WASF2: variants seen among roughly 807,000 people sequenced by gnomAD.
WASF2 encodes the protein WASP family member 2, also known as actin-binding protein WASF2.
WASF2 carries 14 observed loss-of-function variants against 45.0 expected under a neutral mutation model. That is an observed-to-expected ratio of 0.31 (90% CI 0.21 to 0.49). The LOEUF (loss-of-function observed/expected upper bound fraction) is 0.49. Among genes scored for constraint, WASF2 ranks in the 20% least tolerant of loss-of-function variants. The pLI is 0.99. For missense variants in WASF2, 439 were observed against 636.1 expected (o/e 0.69, Z 3.33); for synonymous variants, 200 against 236.3 (o/e 0.85, Z 1.41).
At chr1:27,486,304 A>T (rs1260751806) in intron 1 of WASF2, among the ~76,000 whole-genome samples, 1 of 152,210 alleles carries the variant, frequency 6.6e-6, no homozygotes, top group African/African-American at 2.4e-5. Flanking sequence ...AAAAATTTTT[A>T]AATTCAGATA....
rs915578375 is a variant in WASF2 at position 27,477,674 on chromosome 1, C to T, written c.-44+12312G>A. ...CAGCACTTTGGGAGGCCGAGGCGGG[C>T]GGATCACGAGGTCAGGAGATCGAGA... On this transcript the variant is annotated intron_variant, in intron 1 of 8. Coordinates refer to ENST00000618852, the MANE Select transcript of WASF2 (RefSeq NM_006990.5). Among the ~76,000 whole-genome samples, 22 of 104,448 alleles carry T rather than the reference C, an allele frequency of 2.1e-4. 3 individuals are homozygous for T. Among genetic ancestry groups the T allele is most frequent in the South Asian group, 7.7e-4 (2 of 2,608 alleles). 68.5% of individuals were successfully genotyped at this position (104,448 alleles called of 152,430 possible).
At position 27,404,468 on chromosome 1, in the gene WASF2, G is replaced by C. The variant is rs1479466466; in HGVS notation, c.*3721C>G. 6.6e-6 allele frequency: 1 copy of C among 152,134 alleles called. No homozygotes were observed. Among genetic ancestry groups the C allele is most frequent in the Non-Finnish European group, 1.5e-5 (1 of 68,036 alleles). 9.4% of individuals were successfully genotyped at this position (152,134 alleles called of 1,614,324 possible). On this transcript the variant is annotated 3_prime_UTR_variant, in exon 9 of 9. Transcript: ENST00000618852. ...GAGGAAAGGGTCACTTTAGGGGTCT[G>C]GCTTAACCCACTGCCTAGATCTCCA...
At chr1:27,423,548 A>G (rs1366815914) in intron 2 of WASF2, among the ~76,000 whole-genome samples, 1 of 152,236 alleles carries the variant, frequency 6.6e-6, no homozygotes, top group Non-Finnish European at 1.5e-5. Flanking sequence ...ATTTGATAGT[A>G]TCTATTCTTC....
At chr1:27,447,702 A>G (rs1330951022) in intron 1 of WASF2, among the ~76,000 whole-genome samples, 1 of 152,220 alleles carries the variant, frequency 6.6e-6, no homozygotes, top group Admixed American at 6.5e-5. Context: ...ATACCTGATG[A>G]TGATCACAGT....
intron 2 of WASF2, among the ~76,000 whole-genome samples, chr1:27,419,682 C>T (rs970450762): frequency 5.3e-5 from 8 of 152,280 alleles, no homozygotes; most frequent in East Asian, 3.9e-4. Flanking sequence ...CCTTATAAAA[C>T]GGTTCTGAAA....
rs1196063645 is a variant in WASF2 at position 27,414,167 on chromosome 1, A to AGGTC, written c.668+662_668+665dup. On this transcript the variant is annotated intron_variant, in intron 6 of 8. Transcript: ENST00000618852. This position sits in a 1 kb window ranked among gnomAD's most constrained non-coding sequence, Gnocchi z 4.1. ...GGTGACTTGGCTTTGAATGTCAACCAGGTCAGACACCAGGATAAGCATCAA... is the reference window on the plus strand; with the variant it reads ...GGTGACTTGGCTTTGAATGTCAACCAGGTCGGTCAGACACCAGGATAAGCATCAA... 6.6e-6 allele frequency among the ~76,000 whole-genome samples: 1 copy of AGGTC among 152,224 alleles called. No homozygotes were observed. The highest frequency in any genetic ancestry group is 1.5e-5 in the Non-Finnish European group (1 of 68,026).
rs180876573 is a variant in WASF2 at position 27,443,728 on chromosome 1, G to A, written c.-43-14795C>T. On this transcript the variant is annotated intron_variant, in intron 1 of 8. Transcript: ENST00000618852. ...TGACCTTAGGGTAGTTAATCTCTCT[G>A]AGCCTCATCCATAAAATAGGGAAAA... 2.3e-3 allele frequency among the ~76,000 whole-genome samples: 354 copies of A among 152,250 alleles called. 1 individual carries two copies. The highest frequency in any genetic ancestry group is 3.4e-3 in the Middle Eastern group (1 of 294).
intron 1 of WASF2, among the ~76,000 whole-genome samples, chr1:27,448,926 A>G (rs1248451273): frequency 1.3e-5 from 2 of 151,368 alleles, no homozygotes; most frequent in Non-Finnish European, 2.9e-5. Context: ...TCATACACAT[A>G]TACCTTTCTT....
At chr1:27,432,895 C>G (rs2017085647) in intron 1 of WASF2, among the ~76,000 whole-genome samples, 1 of 152,038 alleles carries the variant, frequency 6.6e-6, no homozygotes, top group South Asian at 2.1e-4. Flanking sequence ...TCACAAGTAG[C>G]CAGGACTACA....
intron 1 of WASF2, among the ~76,000 whole-genome samples, chr1:27,436,462 G>A (rs546088262): frequency 2.6e-5 from 4 of 151,894 alleles, no homozygotes; most frequent in African/African-American, 9.7e-5. Flanking sequence ...GTCTCAAAAA[G>A]AAAGAAACAA....
At chr1:27,415,678 T>G (rs866270140) in intron 5 of WASF2, among the ~76,000 whole-genome samples, 21 of 152,172 alleles carry the variant, frequency 1.4e-4, no homozygotes, top group South Asian at 1.0e-3. Context: ...TAGCCTAGCT[T>G]GAGTGTCCAG....
At chr1:27,485,268 C>G (rs1360891589) in intron 1 of WASF2, among the ~76,000 whole-genome samples, 1 of 151,668 alleles carries the variant, frequency 6.6e-6, no homozygotes, top group Non-Finnish European at 1.5e-5. Context: ...TGAGCAAAGA[C>G]CCTACAAATT....
chr1:27,418,154 G>T, intron 4 of WASF2, 115 bp downstream of exon 4: 1 of 1,208,904 alleles, frequency 8.3e-7, no homozygotes, highest in Non-Finnish European at 1.1e-6. Context: ...CAACTTTGGG[G>T]TAGGCAGTAA....
intron 1 of WASF2, among the ~76,000 whole-genome samples, chr1:27,442,930 G>A (rs2148120352): frequency 6.9e-6 from 1 of 145,338 alleles, no homozygotes; most frequent in South Asian, 2.2e-4. Context: ...GGCAGAGGTT[G>A]CAGTGAGCCA....
intron 1 of WASF2, among the ~76,000 whole-genome samples, chr1:27,486,215 T>A (rs959956187): frequency 1.3e-5 from 2 of 152,168 alleles, no homozygotes; most frequent in African/African-American, 4.8e-5. Flanking sequence ...TACATCTGAT[T>A]TAAAAAGTGC....
At chr1:27,448,890 C>T (rs575740170) in intron 1 of WASF2, among the ~76,000 whole-genome samples, 1 of 151,634 alleles carries the variant, frequency 6.6e-6, no homozygotes, top group Admixed American at 6.6e-5. Flanking sequence ...CTTTATATGC[C>T]TTCGGTTTCA....
intron 1 of WASF2, among the ~76,000 whole-genome samples, chr1:27,432,301 G>C (rs532647873): frequency 6.6e-6 from 1 of 151,922 alleles, no homozygotes; most frequent in Non-Finnish European, 1.5e-5. Context: ...AATTTTCCTA[G>C]AGACATTAAA....
In WASF2 at chr1:27,409,993, C is replaced by T. The variant is rs149051394; in HGVS notation, c.1038G>A (p.Thr346=). 5.6e-6 allele frequency: 9 copies of T among 1,612,928 alleles called. No individual in the cohort carries two copies. Among genetic ancestry groups the T allele is most frequent in the Admixed American group, 1.7e-5 (1 of 59,912 alleles). Residue 346 remains threonine (T), a synonymous_variant, in exon 8 of 9, where the codon ACG becomes ACA. Transcript: ENST00000618852. ...PPPVGFGSPG[T]PPPPSPPSFP... is the part of the protein sequence containing the mutation. ...AAGATGGGGGTGAGGGTGGTGGAGGCGTCCCTGGAGACCCAAATCCTACAG... is the reference window on the plus strand; with the variant it reads ...AAGATGGGGGTGAGGGTGGTGGAGGTGTCCCTGGAGACCCAAATCCTACAG...
At chr1:27,449,981 T>A (rs972724129) in intron 1 of WASF2, among the ~76,000 whole-genome samples, 27 of 152,160 alleles carry the variant, frequency 1.8e-4, no homozygotes, top group African/African-American at 6.5e-4. Context: ...CCATCTCTAC[T>A]AAAAATACAA....
Sources: allele counts gnomAD v4.1 joint callset (sites outside exome capture counted in the v4.1 genomes callset), GRCh38; gene constraint gnomAD v4.1.1; non-coding constraint Gnocchi (gnomAD v3.1); transcripts MANE v1.5; gene names NCBI Gene and HGNC (gene_info 2026-07-23, HGNC 2026-07-21).